The following PRPF38A variants were observed in gnomAD, a reference collection of about 807,000 sequenced individuals.
PRPF38A encodes the protein pre-mRNA processing factor 38A.
Under a neutral mutation model 46.8 loss-of-function variants are expected in PRPF38A, and 11 were observed. That is an observed-to-expected ratio of 0.24 (90% CI 0.15 to 0.39). The LOEUF is 0.39. Ranked by LOEUF, PRPF38A falls within the 10% of genes least tolerant of loss-of-function variation. PRPF38A has a pLI of 1.00. For missense variants in PRPF38A, 261 were observed against 407.5 expected, an observed-to-expected ratio of 0.64 and a Z score of 3.10; for synonymous variants, 124 against 136.2, an observed-to-expected ratio of 0.91 and a Z score of 0.62.
In PRPF38A at chr1:52,416,794, T is replaced by C. The variant is rs113395383; in HGVS notation, c.*104T>C. ...CCAGGCAGCTATAAGAATATTTTAG[T>C]TTTTTTCTTATCAAGTTTCTCAACC... On this transcript the variant is annotated 3_prime_UTR_variant, in exon 10 of 10. Transcript: ENST00000257181. 1 of 890,552 alleles carries C rather than the reference T, an allele frequency of 1.1e-6. No homozygotes were observed. Among genetic ancestry groups the C allele is most frequent in the South Asian group, 1.4e-5 (1 of 70,200 alleles). The allele number at this position is 890,552 out of a possible 1,614,324, so 55.2% of individuals were successfully genotyped here.
intron 1 of PRPF38A, 94 bp from the exon 2 acceptor site, chr1:52,405,586 A>C (rs1647960151): frequency 1.9e-6 from 2 of 1,076,442 alleles, no homozygotes; most frequent in Admixed American, 4.0e-5. Context: ...TACACTGTTG[A>C]TGTATATTTA....
Position 52,419,618 on chromosome 1 carries a change from G to C in PRPF38A, c.*2928G>C, listed in dbSNP as rs1332611232. Reference sequence around the variant, plus strand: ...AAAAAAAAAGTTCAAAAGAGATTAAGAGATGAAAAATAAGATTGGTGGAGT... The same window carrying C: ...AAAAAAAAAGTTCAAAAGAGATTAACAGATGAAAAATAAGATTGGTGGAGT... On this transcript the variant is annotated 3_prime_UTR_variant, in exon 10 of 10. Coordinates refer to ENST00000257181, the MANE Select transcript of PRPF38A (RefSeq NM_032864.4). The C allele has an allele frequency of 1.3e-5, 2 of 151,744 alleles. No individual in the cohort carries two copies. The highest frequency in any genetic ancestry group is 2.9e-5 in the Non-Finnish European group (2 of 67,980). The allele number at this position is 151,744 out of a possible 1,614,324, so 9.4% of individuals were successfully genotyped here. A position where few individuals can be genotyped will look rare whatever the true frequency, so the allele number is the denominator to read the frequency against.
At chr1:52,414,306 C>T (rs1475150417) in intron 6 of PRPF38A, among the ~76,000 whole-genome samples, 2 of 152,178 alleles carry the variant, frequency 1.3e-5, no homozygotes, top group Non-Finnish European at 2.9e-5. Context: ...TTTCTCTTCT[C>T]TGTGTCATCC....
chr1:52,405,939 G>C (rs2147953319), intron 2 of PRPF38A, 100 bp downstream of exon 2: 1 of 999,458 alleles, frequency 1.0e-6, no homozygotes, highest in South Asian at 1.5e-5. Flanking sequence ...CTCATTTCTA[G>C]AGAGTTCCAC....
intron 2 of PRPF38A, among the ~76,000 whole-genome samples, chr1:52,407,887 C>A (rs1438730748): frequency 6.6e-6 from 1 of 152,180 alleles, no homozygotes; most frequent in African/African-American, 2.4e-5. Flanking sequence ...AAAACCGGTC[C>A]CTACTAAAAA....
At chr1:52,411,513 C>T (rs1461295653) in intron 4 of PRPF38A, among the ~76,000 whole-genome samples, 1 of 152,156 alleles carries the variant, frequency 6.6e-6, no homozygotes, top group Non-Finnish European at 1.5e-5. Flanking sequence ...AGCACATTAC[C>T]TGTCTATCAT....
intron 9 of PRPF38A, among the ~76,000 whole-genome samples, chr1:52,416,314 CTTT>C (rs757059288): frequency 1.4e-5 from 2 of 142,180 alleles, no homozygotes; most frequent in South Asian, 2.3e-4. Flanking sequence ...CTCAGGACTC[CTTT>C]TTTTTTTTTG....
chr1:52,411,010 C>T (rs1200882175), intron 3 of PRPF38A, 105 bp from the exon 4 acceptor site: 1 of 741,174 alleles, frequency 1.3e-6, no homozygotes, highest in African/African-American at 1.7e-5. Context: ...TCTAAAGAGG[C>T]CTAGCACATA....
Position 52,416,694 on chromosome 1 carries a change from A to G in PRPF38A, c.*4A>G, listed in dbSNP as rs1451086791. The G allele has an allele frequency of 6.2e-7, 1 of 1,610,902 alleles. No homozygotes were observed. Among genetic ancestry groups the G allele is most frequent in the Non-Finnish European group, 8.5e-7 (1 of 1,177,220 alleles). On this transcript the variant is annotated 3_prime_UTR_variant, in exon 10 of 10. Transcript: ENST00000257181. ...GAGCCGGAGAGGGAATGAGTAATGG[A>G]CTCAGTTTGGTTTTAGTCCACATGG...
chr1:52,418,581 T>C lies in PRPF38A; in HGVS notation c.*1891T>C, dbSNP rs1266153061. On this transcript the variant is annotated 3_prime_UTR_variant, in exon 10 of 10. Transcript: ENST00000257181. ...ACATATGGTAATATGTGGACCAAAA[T>C]TGAGGTACCACAGCCAATCAATAGC... The C allele has an allele frequency of 2.6e-5, 4 of 152,142 alleles. No individual in the cohort carries two copies. The highest frequency in any genetic ancestry group is 4.4e-5 in the Non-Finnish European group (3 of 68,028). The allele number at this position is 152,142 out of a possible 1,614,324, so 9.4% of individuals were successfully genotyped here.
chr1:52,416,099 A>G (rs1389462955), intron 9 of PRPF38A, among the ~76,000 whole-genome samples: 1 of 151,972 alleles, frequency 6.6e-6, no homozygotes, highest in African/African-American at 2.4e-5. Context: ...TCGGTCTCCC[A>G]AAGTGCTGGG....
At chr1:52,408,496 C>G (rs757124252) in intron 2 of PRPF38A, 73 bp from the exon 3 acceptor site, 1 of 1,597,134 alleles carries the variant, frequency 6.3e-7, no homozygotes, top group Non-Finnish European at 8.6e-7. Context: ...CCACTACTGT[C>G]ATGAGAACAG....
intron 3 of PRPF38A, 179 bp downstream of exon 3, chr1:52,408,869 G>A (rs970093867): frequency 6.2e-6 from 4 of 644,798 alleles, no homozygotes; most frequent in South Asian, 2.2e-5. Flanking sequence ...TACTAGCTTC[G>A]TGTTGGCCTT....
At chr1:52,407,882 C>G (rs565643589) in intron 2 of PRPF38A, among the ~76,000 whole-genome samples, 1 of 152,218 alleles carries the variant, frequency 6.6e-6, no homozygotes, top group African/African-American at 2.4e-5. Context: ...ATGGCAAAAC[C>G]GGTCCCTACT....
chr1:52,419,492 T>TAA lies in PRPF38A; in HGVS notation c.*2802_*2803insAA, dbSNP rs1648407116. On this transcript the variant is annotated 3_prime_UTR_variant, in exon 10 of 10. Coordinates refer to ENST00000257181, the MANE Select transcript of PRPF38A (RefSeq NM_032864.4). ...TAGACCGAAGTTTAAATAAGCATTA[T>TAA]TTAGAAAAGAACGATCACAGATTGC... 6.6e-6 allele frequency: 1 copy of TAA among 152,064 alleles called. No homozygotes were observed. Among genetic ancestry groups the TAA allele is most frequent in the Non-Finnish European group, 1.5e-5 (1 of 68,034 alleles). 9.4% of individuals were successfully genotyped at this position (152,064 alleles called of 1,614,324 possible).
intron 9 of PRPF38A, among the ~76,000 whole-genome samples, chr1:52,416,152 C>T (rs1404524634): frequency 6.6e-6 from 1 of 150,760 alleles, no homozygotes; most frequent in African/African-American, 2.4e-5. Flanking sequence ...TTGGTGTACT[C>T]TTAACCTCTA....
Position 52,404,800 on chromosome 1 carries a change from T to C in PRPF38A, c.51T>C (p.Pro17=). The change falls in exon 1 of 10, where the codon CCT becomes CCC. Residue 17 remains proline (P), a synonymous_variant. Transcript: ENST00000257181. ...KDAHSIHGTN[P]QYLVEKIIRT... ...CGCACAGCATCCATGGCACCAACCCTCAATATCTGGTGGAGAAGATCATTC... is the reference window on the plus strand; with the variant it reads ...CGCACAGCATCCATGGCACCAACCCCCAATATCTGGTGGAGAAGATCATTC... The C allele has an allele frequency of 6.2e-7, 1 of 1,614,156 alleles. No homozygotes were observed.
rs1252983307 is a variant in PRPF38A at position 52,420,732 on chromosome 1, C to T, written c.*4042C>T. 1.6e-4 allele frequency: 24 copies of T among 152,136 alleles called. No homozygotes were observed. Among genetic ancestry groups the T allele is most frequent in the Non-Finnish European group, 1.5e-5 (1 of 68,008 alleles). 9.4% of individuals were successfully genotyped at this position (152,136 alleles called of 1,614,324 possible). A position where few individuals can be genotyped will look rare whatever the true frequency, so the allele number is the denominator to read the frequency against. On this transcript the variant is annotated 3_prime_UTR_variant, in exon 10 of 10. Transcript: ENST00000257181. ...AATGAATGAAGTTCACCAGATAGTA[C>T]TTCTTTCTGGCTGATGAACTTTTGA...
At chr1:52,414,505 A>G in intron 6 of PRPF38A, 116 bp from the exon 7 acceptor site, 3 of 1,066,124 alleles carry the variant, frequency 2.8e-6, no homozygotes, top group Non-Finnish European at 2.8e-6. Context: ...GACAAAAGAC[A>G]TGGATACAGA....
Sources: allele counts gnomAD v4.1 joint callset (sites outside exome capture counted in the v4.1 genomes callset), GRCh38; gene constraint gnomAD v4.1.1; transcripts MANE v1.5; gene names NCBI Gene and HGNC (gene_info 2026-07-23, HGNC 2026-07-21).